DMXL1: variants seen among roughly 807,000 people sequenced by gnomAD.
DMXL1 encodes dmX-like protein 1.
Under a neutral mutation model 319.2 loss-of-function variants are expected in DMXL1, and 99 were observed. The ratio of observed to expected loss-of-function variants is 0.31; its 90% confidence interval spans 0.26 to 0.37. The LOEUF (loss-of-function observed/expected upper bound fraction) is 0.37. DMXL1 is among the 10% of genes least tolerant of loss of function. The pLI, the probability that DMXL1 is intolerant of heterozygous loss-of-function variation, is 1.00. For missense variants in DMXL1, 3,745 were observed against 3,595.6 expected (o/e 1.04, Z -1.06); for synonymous variants, 1,385 against 1,235.2 (o/e 1.12, Z -2.54).
chr5:119,225,167 C>T (rs182895330), intron 38 of DMXL1, among the ~76,000 whole-genome samples: 1 of 151,958 alleles, frequency 6.6e-6, no homozygotes, highest in African/African-American at 2.4e-5. Context: ...TTACATAAGC[C>T]ACAACCGTAC....
intron 37 of DMXL1, among the ~76,000 whole-genome samples, chr5:119,221,799 C>G (rs200505947): frequency 2.9e-5 from 4 of 138,610 alleles, no homozygotes; most frequent in African/African-American, 8.0e-5. Flanking sequence ...TTTTTTTTAA[C>G]AAAAACAATA....
intron 4 of DMXL1, among the ~76,000 whole-genome samples, chr5:119,105,660 C>G (rs1758172228): frequency 6.6e-6 from 1 of 152,224 alleles, no homozygotes; most frequent in East Asian, 1.9e-4. Context: ...CTTTGGGAGG[C>G]TGAGGTGGGC....
intron 38 of DMXL1, among the ~76,000 whole-genome samples, chr5:119,225,854 A>G (rs1369162612): frequency 6.6e-6 from 1 of 152,164 alleles, no homozygotes; most frequent in Admixed American, 6.5e-5. Context: ...ATGTCAGGTG[A>G]GAACTAAAAA....
At chr5:119,129,935 A>G (rs1764452736) in intron 10 of DMXL1, among the ~76,000 whole-genome samples, 1 of 152,194 alleles carries the variant, frequency 6.6e-6, no homozygotes, top group Admixed American at 6.5e-5. Context: ...TATCACTTAC[A>G]CTGTCATTCA....
chr5:119,128,001 G>T, intron 9 of DMXL1: 1 of 407,244 alleles, frequency 2.5e-6, no homozygotes, highest in South Asian at 2.1e-5. Context: ...CCTGTTATGA[G>T]GCATCTGACA....
chr5:119,237,338 C>G lies in DMXL1; in HGVS notation c.8483C>G (p.Ala2828Gly). 3 of 1,589,834 alleles carry G rather than the reference C, an allele frequency of 1.9e-6. No homozygotes were observed. The highest frequency in any genetic ancestry group is 2.6e-6 in the Non-Finnish European group (3 of 1,163,102). The change falls in exon 40 of 44, where the codon GCT becomes GGT. Residue 2828 changes from alanine to glycine, a missense_variant. By Grantham distance (60) the Ala-to-Gly change is moderately conservative. Coordinates refer to ENST00000539542, the MANE Select transcript of DMXL1 (RefSeq NM_001290321.3). The part of the protein sequence containing the change: ...YQGNKFGIVD[A>G]DGYLSLYQTN... ...TTCTCTAAGTTTGGAATAGTTGATG[C>G]TGATGGATATTTAAGTTTGTATCAA...
intron 2 of DMXL1, 36 bp from the exon 3 acceptor site, chr5:119,101,899 C>T (rs752976578): frequency 1.2e-5 from 17 of 1,379,064 alleles, no homozygotes; most frequent in Non-Finnish European, 1.7e-5. Context: ...AGTAAGTTAA[C>T]ATATCCCTAA....
At position 119,126,143 on chromosome 5, in the gene DMXL1, C is replaced by T. The variant is rs545759604; in HGVS notation, c.1103-3068C>T. Among the ~76,000 whole-genome samples, 6 of 152,156 alleles carry T rather than the reference C, an allele frequency of 3.9e-5. No individual in the cohort carries two copies. In the East Asian group the frequency reaches 9.7e-4, roughly 25 times the overall value. On this transcript the variant is annotated intron_variant, in intron 9 of 43. Coordinates refer to ENST00000539542, the MANE Select transcript of DMXL1 (RefSeq NM_001290321.3). Reference sequence around the variant, plus strand: ...TGCTAAAAATACAAAATTAGCCAGGCGTGGTGGTGTCTGCCTTTAATCCCA... The same window carrying T: ...TGCTAAAAATACAAAATTAGCCAGGTGTGGTGGTGTCTGCCTTTAATCCCA...
intron 1 of DMXL1, among the ~76,000 whole-genome samples, chr5:119,074,615 G>A (rs950035754): frequency 6.6e-6 from 1 of 152,198 alleles, no homozygotes; most frequent in Admixed American, 6.5e-5. Flanking sequence ...GTCTATTTAA[G>A]TATTAGATAC....
rs1259142779 is a variant in DMXL1 at position 119,148,844 on chromosome 5, A to T, written c.3017A>T (p.Asp1006Val). 2.5e-6 allele frequency: 4 copies of T among 1,613,768 alleles called. No individual in the cohort carries two copies. Among genetic ancestry groups the T allele is most frequent in the South Asian group, 1.1e-5 (1 of 91,080 alleles). Residue 1006 changes from aspartate (D) to valine (V), a missense_variant, in exon 18 of 44, where the codon GAT (aspartate) becomes GTT (valine). Physicochemically the swap from Asp to Val is radical, Grantham distance 152. Transcript: ENST00000539542. Reference protein sequence around the residue: ...KVRFWRCRVTDGESATSKNGK... With the variant: ...KVRFWRCRVTVGESATSKNGK... ...AGATTCTGGAGATGCAGAGTAACAG[A>T]TGGAGAATCTGCCACGTCAAAGAAT...
chr5:119,076,783 G>A (rs1026514269), intron 1 of DMXL1, among the ~76,000 whole-genome samples: 7 of 152,076 alleles, frequency 4.6e-5, no homozygotes, highest in African/African-American at 7.2e-5. Flanking sequence ...GAATTTTATT[G>A]AAATTTAGAA....
rs752769053 is a variant in DMXL1 at position 119,114,556 on chromosome 5, T to C, written c.564+15T>C. On this transcript the variant is annotated intron_variant, in intron 6 of 43. Coordinates refer to ENST00000539542, the MANE Select transcript of DMXL1 (RefSeq NM_001290321.3). ...CTGCTGGGAAGGTAAATTGTGAAAA[T>C]GCTATTGCCAAATTATGTGTTTATA... 6.3e-7 allele frequency: 1 copy of C among 1,576,716 alleles called. No individual in the cohort carries two copies. Among genetic ancestry groups the C allele is most frequent in the Middle Eastern group, 1.8e-4 (1 of 5,590 alleles).
intron 1 of DMXL1, among the ~76,000 whole-genome samples, chr5:119,073,874 C>T (rs533248805): frequency 2.0e-5 from 3 of 151,812 alleles, no homozygotes; most frequent in East Asian, 1.9e-4. Flanking sequence ...TTTCTTCTCT[C>T]ATGTTAAAAG....
chr5:119,127,313 T>A, intron 9 of DMXL1: 1 of 213,848 alleles, frequency 4.7e-6, no homozygotes, highest in South Asian at 9.4e-5. Context: ...GGTAGTATTA[T>A]TGGCTACCAC....
At position 119,148,966 on chromosome 5, in the gene DMXL1, G is replaced by A; in HGVS notation, c.3139G>A (p.Val1047Ile). 3 of 1,613,958 alleles carry A rather than the reference G, an allele frequency of 1.9e-6. No individual in the cohort carries two copies. The highest frequency in any genetic ancestry group is 2.2e-5 in the South Asian group (2 of 91,090). ...NSSITVPGRP[V>I]EVSCAHTNRL... is the part of the protein sequence containing the mutation. ...TAGTATAACTGTACCTGGTAGGCCTGTAGAAGTTAGCTGTGCACATACAAA... is the reference window on the plus strand; with the variant it reads ...TAGTATAACTGTACCTGGTAGGCCTATAGAAGTTAGCTGTGCACATACAAA... The change falls in exon 18 of 44, where the codon GTA becomes ATA. Residue 1047 changes from valine to isoleucine, a missense_variant. Val to Ile is a conservative substitution (Grantham distance 29). Around this residue, in one of 4 missense-constraint regions of DMXL1, gnomAD observed 2,096 missense variants for 1,985.4 expected, o/e 1.06. Transcript: ENST00000539542.
At chr5:119,206,771 A>G in intron 33 of DMXL1, 63 bp from the exon 34 acceptor site, 1 of 950,712 alleles carries the variant, frequency 1.1e-6, no homozygotes, top group Non-Finnish European at 1.6e-6. Flanking sequence ...AACAATCCCC[A>G]GTATTTTGCA....
At chr5:119,237,580 C>G (rs537439504) in intron 40 of DMXL1, among the ~76,000 whole-genome samples, 166 bp downstream of exon 40, 15 of 152,106 alleles carry the variant, frequency 9.9e-5, no homozygotes, top group Admixed American at 3.9e-4. Flanking sequence ...GAAAATTACT[C>G]TGTGAAGCAT....
At chr5:119,151,412 TG>T (rs1769766151) in intron 18 of DMXL1, among the ~76,000 whole-genome samples, 4 of 152,294 alleles carry the variant, frequency 2.6e-5, no homozygotes, top group Admixed American at 2.6e-4. Context: ...AAAATTAAGT[TG>T]GTTATGAATC....
At chr5:119,081,810 G>A in intron 1 of DMXL1, 2 of 808,362 alleles carry the variant, frequency 2.5e-6, no homozygotes, top group Non-Finnish European at 3.0e-6. Context: ...AGTTATAAAG[G>A]TTTTAAGAAA....
Sources: allele counts gnomAD v4.1 joint callset (sites outside exome capture counted in the v4.1 genomes callset), GRCh38; gene constraint gnomAD v4.1.1; regional missense constraint gnomAD v4.1.1; transcripts MANE v1.5; gene names NCBI Gene and HGNC (gene_info 2026-07-23, HGNC 2026-07-21).